PCOLCE2: variants seen among roughly 807,000 people sequenced by gnomAD.
PCOLCE2 encodes procollagen C-proteinase enhancer 2.
In PCOLCE2, 42 loss-of-function variants were observed where a neutral mutation model predicts 47.0. The ratio of observed to expected loss-of-function variants is 0.89; its 90% CI spans 0.70 to 1.16. The LOEUF (loss-of-function observed/expected upper bound fraction) is 1.16. PCOLCE2 is among the 50% of genes most tolerant of loss of function. The pLI, the probability that PCOLCE2 is intolerant of heterozygous loss-of-function variation, is 0.00. For synonymous variants in PCOLCE2, 169 were observed against 191.7 expected, an observed-to-expected ratio of 0.88 and a Z score of 0.98; for missense variants, 500 against 526.1, an observed-to-expected ratio of 0.95 and a Z score of 0.49.
At chr3:142,876,567 C>T (rs559805989) in intron 2 of PCOLCE2, among the ~76,000 whole-genome samples, 2 of 152,274 alleles carry the variant, frequency 1.3e-5, no homozygotes, top group South Asian at 4.2e-4. Flanking sequence ...ATGGTTCTAG[C>T]TTGAATTCTC....
chr3:142,853,869 G>A (rs140237240), intron 2 of PCOLCE2, among the ~76,000 whole-genome samples: 4 of 152,326 alleles, frequency 2.6e-5, no homozygotes, highest in South Asian at 2.1e-4. Context: ...CGACGTTTGT[G>A]TTTTTTCCTA....
chr3:142,840,139 A>G (rs1240148060), intron 4 of PCOLCE2, among the ~76,000 whole-genome samples: 2 of 152,222 alleles, frequency 1.3e-5, no homozygotes, highest in African/African-American at 4.8e-5. Context: ...TATGTTTGAA[A>G]TGTGTGATAC....
intron 5 of PCOLCE2, 148 bp downstream of exon 5, chr3:142,838,622 A>G: frequency 1.5e-6 from 1 of 657,278 alleles, no homozygotes; most frequent in Non-Finnish European, 2.6e-6. Flanking sequence ...ATTTCTTTAC[A>G]GCAGTGCGAG....
Position 142,818,060 on chromosome 3 carries a change from T to C in PCOLCE2, c.*275A>G. The C allele has an allele frequency of 3.3e-6, 1 of 302,004 alleles. No homozygotes were observed. 18.7% of individuals were successfully genotyped at this position (302,004 alleles called of 1,614,324 possible). On this transcript the variant is annotated 3_prime_UTR_variant, in exon 9 of 9. Transcript: ENST00000295992. ...TTACAGAGATGTATAAATAAACGCT[T>C]CCAAGCTGTCAACGCTTGACACTTT...
chr3:142,818,514 G>C (rs766782523), intron 8 of PCOLCE2, 49 bp from the exon 9 acceptor site: 1 of 1,425,370 alleles, frequency 7.0e-7, no homozygotes, highest in South Asian at 1.1e-5. Flanking sequence ...TGTATCATGT[G>C]TGAAACAACT....
intron 2 of PCOLCE2, among the ~76,000 whole-genome samples, chr3:142,867,673 A>C (rs545939750): frequency 2.6e-4 from 39 of 152,292 alleles, no homozygotes; most frequent in Admixed American, 1.9e-3. Flanking sequence ...TATGACTAGA[A>C]TTTTGCCCAC....
In PCOLCE2 at chr3:142,843,034, C is replaced by T; in HGVS notation, c.463G>A (p.Gly155Arg). Reference protein sequence around the residue: ...EPNERGDQYCGGLLDRPSGSF... With the variant: ...EPNERGDQYCRGLLDRPSGSF... ...CCGGAAGGTCTGTCAAGGAGTCCTC[C>T]ACAATACTGATCCCCTTCAAGTATT... The change falls in exon 4 of 9, where the codon GGA becomes AGA. Residue 155 changes from glycine to arginine, a missense_variant. By Grantham distance (125) the Gly-to-Arg change is moderately radical. Transcript: ENST00000295992. 6.2e-7 allele frequency: 1 copy of T among 1,613,882 alleles called. No individual in the cohort carries two copies. Among genetic ancestry groups the T allele is most frequent in the Non-Finnish European group, 8.5e-7 (1 of 1,179,844 alleles).
intron 6 of PCOLCE2, among the ~76,000 whole-genome samples, chr3:142,825,071 T>C (rs1937059522): frequency 6.6e-6 from 1 of 152,146 alleles, no homozygotes; most frequent in African/African-American, 2.4e-5. Context: ...GAGAAAGAGC[T>C]CAGAAGATGT....
At chr3:142,853,565 G>A (rs1932999642) in intron 2 of PCOLCE2, among the ~76,000 whole-genome samples, 1 of 152,094 alleles carries the variant, frequency 6.6e-6, no homozygotes, top group African/African-American at 2.4e-5. Context: ...TGAATCACCG[G>A]CCTCCTTGCA....
At chr3:142,834,858 C>G (rs373767018) in intron 5 of PCOLCE2, among the ~76,000 whole-genome samples, 2 of 151,882 alleles carry the variant, frequency 1.3e-5, no homozygotes, top group East Asian at 3.9e-4. Flanking sequence ...TGGAACAATC[C>G]CTATTTTTCT....
chr3:142,876,700 G>C (rs756143935), intron 2 of PCOLCE2, among the ~76,000 whole-genome samples: 1 of 152,106 alleles, frequency 6.6e-6, no homozygotes, highest in Non-Finnish European at 1.5e-5. Flanking sequence ...GAACTACTAG[G>C]AGCTTTCTGG....
intron 2 of PCOLCE2, chr3:142,887,450 T>G (rs925952367): frequency 1.2e-4 from 51 of 430,426 alleles, no homozygotes; most frequent in South Asian, 1.8e-4. Flanking sequence ...AATTTATTCC[T>G]TCAAGCATTA....
At chr3:142,851,936 A>G (rs1331059536) in intron 2 of PCOLCE2, among the ~76,000 whole-genome samples, 1 of 152,202 alleles carries the variant, frequency 6.6e-6, no homozygotes, top group Non-Finnish European at 1.5e-5. Flanking sequence ...AAAATAAATC[A>G]TTTGTTCCCA....
rs34799495 is a variant in PCOLCE2, at chr3:142,850,440, T to C, written c.193-1968A>G. Among the ~76,000 whole-genome samples, 1,446 of 152,304 alleles carry C rather than the reference T, an allele frequency of 9.5e-3. 8 individuals are homozygous for C. The highest frequency in any genetic ancestry group is 0.015 in the Non-Finnish European group (987 of 68,024). Reference sequence around the variant, plus strand: ...ATAGAAAAAGGAAGAGGTCTAAGTATAGAGGCCTGGAACACTCCAATGTCA... The same window carrying C: ...ATAGAAAAAGGAAGAGGTCTAAGTACAGAGGCCTGGAACACTCCAATGTCA... On this transcript the variant is annotated intron_variant, in intron 2 of 8. Coordinates refer to ENST00000295992, the MANE Select transcript of PCOLCE2 (RefSeq NM_013363.4).
chr3:142,871,156 C>T (rs758694774), intron 2 of PCOLCE2, among the ~76,000 whole-genome samples: 6 of 152,190 alleles, frequency 3.9e-5, no homozygotes, highest in Non-Finnish European at 5.9e-5. Flanking sequence ...TTACACCCCT[C>T]GTCTTGTCCA....
At chr3:142,827,383 G>A in intron 6 of PCOLCE2, 1 of 1,554,396 alleles carries the variant, frequency 6.4e-7, no homozygotes, top group Non-Finnish European at 8.9e-7. Flanking sequence ...CCACAGCTCT[G>A]TTGGCTGAGG....
intron 5 of PCOLCE2, among the ~76,000 whole-genome samples, chr3:142,837,008 G>A (rs1344332591): frequency 1.3e-5 from 2 of 152,238 alleles, no homozygotes; most frequent in African/African-American, 4.8e-5. Context: ...CAGAAGAGGA[G>A]AGTGTCCTTT....
intron 4 of PCOLCE2, among the ~76,000 whole-genome samples, chr3:142,839,447 G>A (rs769432761): frequency 7.2e-5 from 11 of 152,032 alleles, no homozygotes; most frequent in Admixed American, 2.6e-4. Context: ...TGAGTAGCTG[G>A]AGTTTCAGGT....
At chr3:142,888,100 G>C (rs2248811) in intron 1 of PCOLCE2, among the ~76,000 whole-genome samples, 43,874 of 152,066 alleles carry the variant, frequency 0.29, 7,428 homozygotes, top group African/African-American at 0.47. Context: ...TGGGAGAGAA[G>C]GTAAGAGCCA....
Sources: allele counts gnomAD v4.1 joint callset (sites outside exome capture counted in the v4.1 genomes callset), GRCh38; gene constraint gnomAD v4.1.1; transcripts MANE v1.5; gene names NCBI Gene and HGNC (gene_info 2026-07-23, HGNC 2026-07-21).